The following OR6N1 variants were observed in gnomAD, a reference collection of about 807,000 sequenced individuals.
The protein encoded by OR6N1 is olfactory receptor 6N1.
For synonymous variants in OR6N1, 170 were observed against 150.7 expected, an observed-to-expected ratio of 1.13 and a Z score of -0.94; for missense variants, 394 against 371.7, an observed-to-expected ratio of 1.06 and a Z score of -0.49.
the OR6N1 span, among the ~76,000 whole-genome samples, chr1:158,838,519 C>T: frequency 3.3e-5 from 5 of 151,990 alleles, no homozygotes; most frequent in Non-Finnish European, 5.9e-5. Context: ...ATTTTCTTTT[C>T]GTCTTTGAGT....
the OR6N1 span, among the ~76,000 whole-genome samples, chr1:158,807,397 T>C: frequency 6.6e-6 from 1 of 152,230 alleles, no homozygotes; most frequent in Admixed American, 6.5e-5. Flanking sequence ...TCTTCCAAGA[T>C]CTGGTCCTAT....
chr1:158,778,395 G>A, the OR6N1 span, among the ~76,000 whole-genome samples: 2 of 152,150 alleles, frequency 1.3e-5, no homozygotes, highest in Non-Finnish European at 2.9e-5. Context: ...GAAGATCTGG[G>A]ATCAGCTGTG....
At chr1:158,776,427 T>C (rs1445528974), upstream of OR6N1, 2 of 307,658 alleles carry the variant, frequency 6.5e-6, no homozygotes, top group Non-Finnish European at 1.2e-5. Context: ...TGGATGGAAA[T>C]GTGTGGACCT....
chr1:158,820,147 C>T, the OR6N1 span, among the ~76,000 whole-genome samples: 294 of 152,356 alleles, frequency 1.9e-3, 1 homozygote, highest in African/African-American at 6.5e-3. Flanking sequence ...GCACAGATCA[C>T]TCATGCTATT....
the OR6N1 span, among the ~76,000 whole-genome samples, chr1:158,793,986 G>A: frequency 9.2e-5 from 14 of 152,206 alleles, no homozygotes; most frequent in East Asian, 5.8e-4. Context: ...CTGATGTTCC[G>A]GCTATTCAGA....
At chr1:158,789,946 C>T in the OR6N1 span, among the ~76,000 whole-genome samples, 1 of 152,132 alleles carries the variant, frequency 6.6e-6, no homozygotes, top group Non-Finnish European at 1.5e-5. Flanking sequence ...CCAATGTTTT[C>T]TTCTGATAGT....
the OR6N1 span, among the ~76,000 whole-genome samples, chr1:158,839,260 G>A: frequency 3.3e-5 from 5 of 152,078 alleles, no homozygotes; most frequent in Admixed American, 2.0e-4. Context: ...AAATATAAAC[G>A]TTCTCTGAGG....
chr1:158,774,954 G>A (rs1032095162), upstream of OR6N1: 1 of 152,154 alleles, frequency 6.6e-6, no homozygotes, highest in Admixed American at 6.5e-5. Flanking sequence ...TTGACCAGGT[G>A]TGGGTAAAAT....
chr1:158,777,167 T>C (rs191011544), upstream of OR6N1: 3 of 1,613,998 alleles, frequency 1.9e-6, no homozygotes, highest in East Asian at 6.7e-5. Flanking sequence ...ACCTCAGAAA[T>C]GGGACACAGG....
chr1:158,823,190 C>T, the OR6N1 span, among the ~76,000 whole-genome samples: 2 of 152,072 alleles, frequency 1.3e-5, no homozygotes, highest in African/African-American at 4.8e-5. Flanking sequence ...GCATCTCTGC[C>T]AGGTTTTAGT....
At chr1:158,828,588 C>T in the OR6N1 span, among the ~76,000 whole-genome samples, 3 of 152,236 alleles carry the variant, frequency 2.0e-5, no homozygotes, top group Non-Finnish European at 4.4e-5. Context: ...AACAGCCTCC[C>T]TCCTGACTGC....
chr1:158,814,660 C>T, the OR6N1 span, among the ~76,000 whole-genome samples: 8 of 152,094 alleles, frequency 5.3e-5, no homozygotes, highest in Non-Finnish European at 7.4e-5. Flanking sequence ...TCCTTTCTAA[C>T]GGCACTAATC....
At chr1:158,806,280 A>T in the OR6N1 span, among the ~76,000 whole-genome samples, 1 of 152,196 alleles carries the variant, frequency 6.6e-6, no homozygotes, top group Non-Finnish European at 1.5e-5. Context: ...AGTTTATGAC[A>T]AGATAAATTT....
chr1:158,802,443 C>G, the OR6N1 span, among the ~76,000 whole-genome samples: 1 of 152,002 alleles, frequency 6.6e-6, no homozygotes, highest in Non-Finnish European at 1.5e-5. Context: ...CTCCTGACCT[C>G]GTGATCCACC....
chr1:158,817,872 G>C, the OR6N1 span, among the ~76,000 whole-genome samples: 31 of 152,306 alleles, frequency 2.0e-4, no homozygotes, highest in African/African-American at 7.0e-4. Context: ...AACTGGGGCA[G>C]GTTCTGAGAC....
chr1:158,835,754 A>T, the OR6N1 span, among the ~76,000 whole-genome samples: 515 of 151,960 alleles, frequency 3.4e-3, 5 homozygotes, highest in African/African-American at 0.011. Context: ...AATGTTAGCT[A>T]TGGTGTTTTC....
At chr1:158,814,431 C>A in the OR6N1 span, among the ~76,000 whole-genome samples, 1 of 152,212 alleles carries the variant, frequency 6.6e-6, no homozygotes, top group South Asian at 2.1e-4. Flanking sequence ...GGGTCTTAGA[C>A]CTCATCTTAC....
chr1:158,812,078 TA>T, the OR6N1 span, among the ~76,000 whole-genome samples: 1 of 152,202 alleles, frequency 6.6e-6, no homozygotes, highest in Non-Finnish European at 1.5e-5. Context: ...TTATCTTTCA[TA>T]GTCTCAAATA....
chr1:158,786,647 A>G, the OR6N1 span, among the ~76,000 whole-genome samples: 1 of 152,236 alleles, frequency 6.6e-6, no homozygotes, highest in African/African-American at 2.4e-5. Context: ...GTATATATAC[A>G]CCACGTAATA....
Sources: allele counts gnomAD v4.1 joint callset (sites outside exome capture counted in the v4.1 genomes callset), GRCh38; gene constraint gnomAD v4.1.1; transcripts MANE v1.5; gene names NCBI Gene and HGNC (gene_info 2026-07-23, HGNC 2026-07-21).